Variants in EXOC3L2 observed in about 807,000 individuals in gnomAD.
The protein encoded by EXOC3L2 is exocyst complex component 3-like protein 2.
In EXOC3L2, 17 loss-of-function variants were observed where a neutral mutation model predicts 44.4. The ratio of observed to expected loss-of-function variants is 0.38; its 90% CI spans 0.26 to 0.57. The LOEUF is 0.57. EXOC3L2 is among the 20% of genes least tolerant of loss of function. The pLI is 0.65. For missense variants in EXOC3L2, 541 were observed against 588.4 expected, an observed-to-expected ratio of 0.92 and a Z score of 0.83; for synonymous variants, 256 against 253.7, an observed-to-expected ratio of 1.01 and a Z score of -0.09.
At position 45,212,900 on chromosome 19, in the gene EXOC3L2, T is replaced by G; in HGVS notation, c.*169A>C. On this transcript the variant is annotated 3_prime_UTR_variant, in exon 12 of 12. Coordinates refer to ENST00000413988, the MANE Select transcript of EXOC3L2 (RefSeq NM_001382422.1). ...CAGGCATGAGCCACCGTGCCTGGCG[T>G]TTGTTTCCCTTCTGTACAGGGAGTT... 4.2e-5 allele frequency: 29 copies of G among 691,888 alleles called. No individual in the cohort carries two copies. Among genetic ancestry groups the G allele is most frequent in the Non-Finnish European group, 5.8e-5 (27 of 466,228 alleles). 42.9% of individuals were successfully genotyped at this position (691,888 alleles called of 1,614,324 possible).
intron 8 of EXOC3L2, among the ~76,000 whole-genome samples, chr19:45,218,638 G>A (rs1969864925): frequency 1.3e-5 from 2 of 152,112 alleles, no homozygotes; most frequent in Non-Finnish European, 2.9e-5. Flanking sequence ...CCGGAACTGA[G>A]GCCCTGGTGA....
intron 11 of EXOC3L2, among the ~76,000 whole-genome samples, chr19:45,214,126 A>C (rs1307236495): frequency 6.6e-6 from 1 of 152,116 alleles, no homozygotes; most frequent in African/African-American, 2.4e-5. Context: ...CAGAAACTCC[A>C]CATCAGCAAG....
chr19:45,217,561 G>A lies in EXOC3L2; in HGVS notation c.1965C>T (p.Asp655=). Residue 655 remains aspartate (D), a synonymous_variant, in exon 10 of 12, where the codon GAC becomes GAT. Coordinates refer to ENST00000413988, the MANE Select transcript of EXOC3L2 (RefSeq NM_001382422.1). The stretch of plus-strand genomic sequence containing the variant: ...GGAACAGCCTCTGCAGTTGCGCCGC[G>A]TCCTCCCGGAGCCTGCCGGCCACGC... ...RSRVAGRLRE[D]AAQLQRLFRR... 3.8e-6 allele frequency: 6 copies of A among 1,565,684 alleles called. No homozygotes were observed. The highest frequency in any genetic ancestry group is 5.2e-6 in the Non-Finnish European group (6 of 1,162,942).
In EXOC3L2 at chr19:45,218,248, C is replaced by T. The variant is rs749366737; in HGVS notation, c.1791G>A (p.Thr597=). The change falls in exon 9 of 12, where the codon ACG becomes ACA. Residue 597 remains threonine, a synonymous_variant. Transcript: ENST00000413988. ...SPEALDGIVG[T]LGAQALALRR... ...GCAGGGCCAGGGCCTGGGCACCCAG[C>T]GTGCCCACGATGCCATCCAGGGCCT... 1.3e-5 allele frequency: 21 copies of T among 1,606,272 alleles called. No individual in the cohort carries two copies. Among genetic ancestry groups the T allele is most frequent in the Non-Finnish European group, 1.8e-5 (21 of 1,177,636 alleles).
chr19:45,213,769 A>G (rs183965711), intron 11 of EXOC3L2, among the ~76,000 whole-genome samples: 1 of 151,378 alleles, frequency 6.6e-6, no homozygotes, highest in African/African-American at 2.4e-5. Flanking sequence ...ACATGGCGAA[A>G]CCCTCTCTCT....
chr19:45,239,918 C>T (rs1468219909), intron 1 of EXOC3L2, among the ~76,000 whole-genome samples: 1 of 151,988 alleles, frequency 6.6e-6, no homozygotes, highest in East Asian at 1.9e-4. Context: ...CAGTCAAGGG[C>T]AGAGATGATA....
intron 1 of EXOC3L2, among the ~76,000 whole-genome samples, chr19:45,242,224 A>G (rs1970136452): frequency 6.6e-6 from 1 of 152,158 alleles, no homozygotes; most frequent in African/African-American, 2.4e-5. Context: ...AATCCTAGCC[A>G]CAGCTCACAC....
chr19:45,230,980 T>C (rs533247406), intron 4 of EXOC3L2, among the ~76,000 whole-genome samples: 11 of 152,030 alleles, frequency 7.2e-5, no homozygotes, highest in African/African-American at 2.7e-4. Flanking sequence ...TCCCAGCTAC[T>C]CAGGAGGCTG....
At chr19:45,220,581 C>T (rs1004432716) in intron 8 of EXOC3L2, among the ~76,000 whole-genome samples, 3 of 152,032 alleles carry the variant, frequency 2.0e-5, no homozygotes, top group African/African-American at 4.8e-5. Flanking sequence ...TTGGGCCTTT[C>T]GAAGTGTGTG....
chr19:45,234,195 G>A lies in EXOC3L2; in HGVS notation c.1155C>T (p.Pro385=). ...TTGGGCAACTGAGTCCAGCTTACCTGGGGTAGACCTGATTGTGCCAGTGCA... is the reference window on the plus strand; with the variant it reads ...TTGGGCAACTGAGTCCAGCTTACCTAGGGTAGACCTGATTGTGCCAGTGCA... The part of the protein sequence containing the change: ...ALLHWHNQVY[P]REVLGLVDMA... The change falls in exon 3 of 12, where the codon CCC becomes CCT. Residue 385 remains proline, a splice_region_variant and synonymous_variant. Coordinates refer to ENST00000413988, the MANE Select transcript of EXOC3L2 (RefSeq NM_001382422.1). The surrounding 1 kb of genome is among the most constrained non-coding windows in gnomAD (Gnocchi z 5.0). 2.5e-6 allele frequency: 1 copy of A among 397,080 alleles called. No homozygotes were observed. Among genetic ancestry groups the A allele is most frequent in the East Asian group, 3.6e-5 (1 of 27,984 alleles). 24.6% of individuals were successfully genotyped at this position (397,080 alleles called of 1,614,324 possible).
intron 8 of EXOC3L2, 77 bp downstream of exon 8, chr19:45,224,701 A>C: frequency 4.0e-6 from 6 of 1,494,758 alleles, no homozygotes; most frequent in Non-Finnish European, 1.8e-6. Flanking sequence ...ATGGGCTAAA[A>C]GGAACTGGAG....
In EXOC3L2 at chr19:45,213,062, G is replaced by T. The variant is rs1599758576; in HGVS notation, c.*7C>A. The T allele has an allele frequency of 1.4e-6, 2 of 1,476,472 alleles. No homozygotes were observed. Among genetic ancestry groups the T allele is most frequent in the African/African-American group, 2.8e-5 (2 of 70,942 alleles). The allele number at this position is 1,476,472 out of a possible 1,614,324, so 91.5% of individuals were successfully genotyped here. A position where few individuals can be genotyped will look rare whatever the true frequency, so the allele number is the denominator to read the frequency against. On this transcript the variant is annotated 3_prime_UTR_variant, in exon 12 of 12. Transcript: ENST00000413988. Reference sequence around the variant, plus strand: ...TGGGGTCACTAAGGCCGGCGGTTGGGTGACCCTCAGCGCTGGGCCCGAGGT... The same window carrying T: ...TGGGGTCACTAAGGCCGGCGGTTGGTTGACCCTCAGCGCTGGGCCCGAGGT...
At chr19:45,231,302 G>A (rs1568483274) in intron 4 of EXOC3L2, among the ~76,000 whole-genome samples, 1 of 151,830 alleles carries the variant, frequency 6.6e-6, no homozygotes, top group Non-Finnish European at 1.5e-5. Context: ...AATTAACCAT[G>A]TTTATTACCA....
rs747196218 is a variant in EXOC3L2 at position 45,228,059 on chromosome 19, T to G, written c.1387A>C (p.Thr463Pro). The G allele has an allele frequency of 1.2e-6, 2 of 1,614,110 alleles. No individual in the cohort carries two copies. The highest frequency in any genetic ancestry group is 3.3e-5 in the Admixed American group (2 of 60,002). The stretch of plus-strand genomic sequence containing the variant: ...TGGCTGATGCGGGGTGCTCGCTCTG[T>G]GTGCTCTTCCAGCAGCTGTGAGGTC... ...QDVCELLEEH[T>P]ERAPRISQEF... is the part of the protein sequence containing the mutation. The change falls in exon 6 of 12, where the codon ACA becomes CCA. Residue 463 changes from threonine to proline, a missense_variant. Physicochemically the swap from Thr to Pro is conservative, Grantham distance 38. Coordinates refer to ENST00000413988, the MANE Select transcript of EXOC3L2 (RefSeq NM_001382422.1).
At chr19:45,237,780 T>TA (rs1472680752) in intron 2 of EXOC3L2, among the ~76,000 whole-genome samples, 2 of 152,096 alleles carry the variant, frequency 1.3e-5, no homozygotes, top group African/African-American at 4.8e-5. Context: ...ATAGGGTCTT[T>TA]ACAGAGGCAA....
intron 3 of EXOC3L2, 55 bp from the exon 4 acceptor site, chr19:45,231,929 G>T: frequency 8.0e-7 from 1 of 1,242,638 alleles, no homozygotes; most frequent in Non-Finnish European, 1.1e-6. Context: ...CTGGGCAGTT[G>T]GAACCTTCCC....
In EXOC3L2 at chr19:45,238,969, C is replaced by G. The variant is rs1384150063; in HGVS notation, c.77G>C (p.Arg26Pro). Residue 26 changes from arginine (R) to proline (P), a missense_variant, in exon 2 of 12, where the codon CGG (arginine) becomes CCG (proline). Arg to Pro is a moderately radical substitution (Grantham distance 103, BLOSUM62 -2). Coordinates refer to ENST00000413988, the MANE Select transcript of EXOC3L2 (RefSeq NM_001382422.1). The surrounding 1 kb of genome is among the most constrained non-coding windows in gnomAD (Gnocchi z 5.5). Reference sequence around the variant, plus strand: ...CCCTGAAACTTCTTCAAAGGGGTTCCGAGAGGACCTCAGGGGCAGGGTCCC... The same window carrying G: ...CCCTGAAACTTCTTCAAAGGGGTTCGGAGAGGACCTCAGGGGCAGGGTCCC... ...RAGTLPLRSS[R>P]NPFEEVSGLE... The G allele has an allele frequency of 5.0e-5, 20 of 399,126 alleles. No individual in the cohort carries two copies. The highest frequency in any genetic ancestry group is 7.1e-5 in the Non-Finnish European group (16 of 226,136). 24.7% of individuals were successfully genotyped at this position (399,126 alleles called of 1,614,324 possible).
At chr19:45,215,895 G>A (rs902755359) in intron 11 of EXOC3L2, among the ~76,000 whole-genome samples, 178 bp downstream of exon 11, 11 of 152,288 alleles carry the variant, frequency 7.2e-5, no homozygotes, top group Admixed American at 3.9e-4. Flanking sequence ...AGGCAGCAGC[G>A]GCGGCAGGAG....
chr19:45,237,226 G>A lies in EXOC3L2; in HGVS notation c.523+1297C>T, dbSNP rs79223702. The stretch of plus-strand genomic sequence containing the variant: ...ATTAAAGATGGCGTTTAGGCCAGGC[G>A]CAGTGGCTCATGCCTGTCATTCCAG... On this transcript the variant is annotated intron_variant, in intron 2 of 11. Transcript: ENST00000413988. Among the ~76,000 whole-genome samples, 4 of 152,246 alleles carry A rather than the reference G, an allele frequency of 2.6e-5. No individual in the cohort carries two copies. In the East Asian group the frequency reaches 5.8e-4, roughly 22 times the overall value.
Sources: allele counts gnomAD v4.1 joint callset (sites outside exome capture counted in the v4.1 genomes callset), GRCh38; gene constraint gnomAD v4.1.1; non-coding constraint Gnocchi (gnomAD v3.1); transcripts MANE v1.5; gene names NCBI Gene and HGNC (gene_info 2026-07-23, HGNC 2026-07-21).